EP400: variants seen among roughly 807,000 people sequenced by gnomAD.
EP400 encodes the protein E1A-binding protein p400.
A neutral mutation model predicts 354.1 loss-of-function variants in EP400; 105 were observed. The observed-to-expected ratio is 0.30, with a 90% CI of 0.25 to 0.35. The LOEUF is 0.35. EP400 is among the 10% of genes least tolerant of loss of function. The pLI, the probability that EP400 is intolerant of heterozygous loss-of-function variation, is 1.00. For synonymous variants in EP400, 1,646 were observed against 1,716.9 expected, an observed-to-expected ratio of 0.96 and a Z score of 1.02; for missense variants, 3,280 against 4,121.0, an observed-to-expected ratio of 0.80 and a Z score of 5.59.
chr12:131,954,039 G>A (rs947091606), intron 1 of EP400, among the ~76,000 whole-genome samples: 1 of 152,070 alleles, frequency 6.6e-6, no homozygotes, highest in Non-Finnish European at 1.5e-5. Context: ...CTTGAGCCCA[G>A]GAGACAGAGG....
Position 132,017,662 on chromosome 12 carries a change from C to A in EP400, c.4051C>A (p.Pro1351Thr). 1 of 1,593,972 alleles carries A rather than the reference C, an allele frequency of 6.3e-7. No individual in the cohort carries two copies. Among genetic ancestry groups the A allele is most frequent in the Admixed American group, 1.7e-5 (1 of 57,180 alleles). ...CCCAGGCTCTTCCTACGTGGCGGGGCCACTGGAGTATCCGTCCGCATCTCT... is the reference window on the plus strand; with the variant it reads ...CCCAGGCTCTTCCTACGTGGCGGGGACACTGGAGTATCCGTCCGCATCTCT... ...RHPGSSYVAG[P>T]LEYPSASLIL... is the part of the protein sequence containing the mutation. Residue 1351 changes from proline to threonine, a missense_variant, in exon 20 of 53, where the codon CCA (proline) becomes ACA (threonine). Pro to Thr is a conservative substitution (Grantham distance 38). Coordinates refer to ENST00000389561, the MANE Select transcript of EP400 (RefSeq NM_015409.5). This position sits in a 1 kb window ranked among gnomAD's most constrained non-coding sequence, Gnocchi z 5.0.
intron 45 of EP400, among the ~76,000 whole-genome samples, chr12:132,057,938 G>A (rs1413677391): frequency 6.6e-6 from 1 of 152,154 alleles, no homozygotes. Context: ...ATTCTTCCTG[G>A]CACTGTGGGC....
At chr12:132,032,850 C>T (rs991063736) in intron 30 of EP400, among the ~76,000 whole-genome samples, 2 of 152,032 alleles carry the variant, frequency 1.3e-5, no homozygotes, top group African/African-American at 2.4e-5. Context: ...AGGCCGGTCT[C>T]GAACTCCTGA....
At position 132,017,836 on chromosome 12, in the gene EP400, C is replaced by T. The variant is rs1893995706; in HGVS notation, c.4110+115C>T. On this transcript the variant is annotated intron_variant, in intron 20 of 52. Transcript: ENST00000389561. This position sits in a 1 kb window ranked among gnomAD's most constrained non-coding sequence, Gnocchi z 5.0. The stretch of plus-strand genomic sequence containing the variant: ...ACCAGCTCTTCTGCAATTGCAATTG[C>T]AGCTCCGCGATACATGGCACCGTCT... The T allele has an allele frequency of 1.7e-6, 2 of 1,164,556 alleles. No individual in the cohort carries two copies. Among genetic ancestry groups the T allele is most frequent in the Non-Finnish European group, 2.4e-6 (2 of 848,058 alleles). The allele number at this position is 1,164,556 out of a possible 1,614,324, so 72.1% of individuals were successfully genotyped here. A position where few individuals can be genotyped will look rare whatever the true frequency, so the allele number is the denominator to read the frequency against.
intron 6 of EP400, among the ~76,000 whole-genome samples, chr12:131,987,402 C>CA (rs1892888591): frequency 6.6e-6 from 1 of 152,084 alleles, no homozygotes. Flanking sequence ...CCCATGTAAA[C>CA]ACTTTGGTAG....
At position 132,052,497 on chromosome 12, in the gene EP400, C is replaced by T. The variant is rs1393126993; in HGVS notation, c.7395-649C>T. Among the ~76,000 whole-genome samples, 1 of 152,244 alleles carries T rather than the reference C, an allele frequency of 6.6e-6. No homozygotes were observed. The highest frequency in any genetic ancestry group is 1.5e-5 in the Non-Finnish European group (1 of 68,050). On this transcript the variant is annotated intron_variant, in intron 41 of 52. Coordinates refer to ENST00000389561, the MANE Select transcript of EP400 (RefSeq NM_015409.5). The surrounding 1 kb of genome is among the most constrained non-coding windows in gnomAD (Gnocchi z 4.4). ...CTGCCCTCGTGAGATGTTTTCAGAG[C>T]GCACTGTTGAGAATTGCAGCCCCGC...
At chr12:132,006,412 C>T (rs1893583885) in intron 14 of EP400, 110 bp downstream of exon 14, 2 of 1,281,310 alleles carry the variant, frequency 1.6e-6, no homozygotes, top group Non-Finnish European at 1.1e-6. Flanking sequence ...ATCCCAACTG[C>T]AGAGTTGTCA....
At chr12:131,974,363 G>A (rs189173715) in intron 2 of EP400, among the ~76,000 whole-genome samples, 7 of 152,042 alleles carry the variant, frequency 4.6e-5, no homozygotes, top group East Asian at 1.9e-4. Context: ...CAGTCCTCCC[G>A]CCTCGGCCTC....
In EP400 at chr12:132,018,139, A is replaced by G; in HGVS notation, c.4111-71A>G. ...GCCCACGTTAGGGCCCTGCCATAGA[A>G]ATCAGTTTTGATTCTTAGGTGCTTT... On this transcript the variant is annotated intron_variant, in intron 20 of 52. Coordinates refer to ENST00000389561, the MANE Select transcript of EP400 (RefSeq NM_015409.5). This position sits in a 1 kb window ranked among gnomAD's most constrained non-coding sequence, Gnocchi z 4.0. The G allele has an allele frequency of 6.3e-7, 1 of 1,585,898 alleles. No homozygotes were observed. Among genetic ancestry groups the G allele is most frequent in the Non-Finnish European group, 8.6e-7 (1 of 1,169,246 alleles).
intron 52 of EP400, 70 bp downstream of exon 52, chr12:132,076,663 T>G: frequency 1.4e-6 from 2 of 1,395,112 alleles, no homozygotes; most frequent in Non-Finnish European, 2.0e-6. Flanking sequence ...TCATCTGAGG[T>G]CATGATTAGG....
chr12:132,055,546 TGTGTGTGTGAGGTGTAGGG>T (rs1219784093), intron 45 of EP400, among the ~76,000 whole-genome samples: 9 of 90,240 alleles, frequency 1.0e-4, no homozygotes, highest in South Asian at 3.9e-4. Flanking sequence ...GTGTAGGGGT[TGTGTGTGTGAGGTGTAGGG>T]GTGTGTGTGA....
rs1390122000 is a variant in EP400 at position 132,027,986 on chromosome 12, A to G, written c.5110-31A>G. On this transcript the variant is annotated intron_variant, in intron 26 of 52. Coordinates refer to ENST00000389561, the MANE Select transcript of EP400 (RefSeq NM_015409.5). This position sits in a 1 kb window ranked among gnomAD's most constrained non-coding sequence, Gnocchi z 4.9. ...CAGGAACTTGTCATTCTGTTTCTCA[A>G]GTAACTGTTTTTCATCACTTTTTGA... 1.9e-6 allele frequency: 3 copies of G among 1,602,406 alleles called. No homozygotes were observed. The highest frequency in any genetic ancestry group is 1.1e-5 in the South Asian group (1 of 90,520).
intron 5 of EP400, 118 bp downstream of exon 5, chr12:131,982,596 TC>T: frequency 7.6e-7 from 1 of 1,311,532 alleles, no homozygotes; most frequent in Non-Finnish European, 1.0e-6. Context: ...AGCAGCTTGC[TC>T]CCCCAATTTA....
At chr12:131,956,747 G>A (rs913492248) in intron 1 of EP400, among the ~76,000 whole-genome samples, 3 of 152,028 alleles carry the variant, frequency 2.0e-5, no homozygotes, top group African/African-American at 7.3e-5. Context: ...TAATGTCTTG[G>A]CTAAGTGGAT....
Position 132,045,180 on chromosome 12 carries a change from G to C in EP400, c.6785-139G>C. ...ATTGACCATGAAGGCCCGAAAGCAG[G>C]TCTGTCTTTGGCAGGTGCTTTCTGT... On this transcript the variant is annotated intron_variant, in intron 37 of 52. Transcript: ENST00000389561. 3 of 1,406,972 alleles carry C rather than the reference G, an allele frequency of 2.1e-6. No homozygotes were observed. The South Asian group carries it at 4.2e-5, about 20-fold the overall frequency. 87.2% of individuals were successfully genotyped at this position (1,406,972 alleles called of 1,614,324 possible). A position where few individuals can be genotyped will look rare whatever the true frequency, so the allele number is the denominator to read the frequency against.
At position 132,044,180 on chromosome 12, in the gene EP400, G is replaced by A. The variant is rs144245663; in HGVS notation, c.6454G>A (p.Ala2152Thr). 149 of 1,614,068 alleles carry A rather than the reference G, an allele frequency of 9.2e-5. No homozygotes were observed. In the African/African-American group the frequency reaches 1.7e-3, roughly 19 times the overall value. Residue 2152 changes from alanine to threonine, a missense_variant, in exon 35 of 53, where the codon GCA becomes ACA. Coordinates refer to ENST00000389561, the MANE Select transcript of EP400 (RefSeq NM_015409.5). ...TTCTTGCTGCTCTCCCCGTCAGGAC[G>A]CAGTGATGACTGCAGTGAGGGCATG... ...EQEKERNSED[A>T]VMTAVRAWEF...
chr12:132,049,157 G>A (rs995136080), intron 39 of EP400, among the ~76,000 whole-genome samples: 4 of 152,226 alleles, frequency 2.6e-5, no homozygotes, highest in African/African-American at 7.2e-5. Flanking sequence ...CAAAGCCTGC[G>A]GGGGCTCCAG....
intron 30 of EP400, among the ~76,000 whole-genome samples, chr12:132,035,782 G>A (rs1052835473): frequency 2.7e-5 from 4 of 146,810 alleles, no homozygotes; most frequent in African/African-American, 5.1e-5. Flanking sequence ...AGGTTCACAC[G>A]GAACGTCGTG....
chr12:132,043,854 G>T lies in EP400; in HGVS notation c.6450+126G>T, dbSNP rs995788650. 8 of 916,254 alleles carry T rather than the reference G, an allele frequency of 8.7e-6. No individual in the cohort carries two copies. The South Asian group carries it at 1.0e-4, about 12-fold the overall frequency. 56.8% of individuals were successfully genotyped at this position (916,254 alleles called of 1,614,324 possible). A position where few individuals can be genotyped will look rare whatever the true frequency, so the allele number is the denominator to read the frequency against. ...AGCCAAAACCCACAAGTATGGAAAT[G>T]AACTTAAAATGAAGAGAGTCTCGAG... On this transcript the variant is annotated intron_variant, in intron 34 of 52. Coordinates refer to ENST00000389561, the MANE Select transcript of EP400 (RefSeq NM_015409.5).
Sources: gnomAD v4.1 joint callset for allele counts (sites outside exome capture counted in the v4.1 genomes callset) on GRCh38, gnomAD v4.1.1 for gene constraint, Gnocchi (gnomAD v3.1) non-coding constraint, MANE v1.5 for transcripts, NCBI Gene and HGNC (gene_info 2026-07-23, HGNC 2026-07-21) for gene names.